The following GFRA2 variants were observed in gnomAD, a reference collection of about 807,000 sequenced individuals.
GFRA2 encodes GDNF family receptor alpha 2.
A neutral mutation model predicts 48.3 loss-of-function variants in GFRA2; 17 were observed. The ratio of observed to expected loss-of-function variants is 0.35; its 90% CI spans 0.24 to 0.53. The LOEUF (loss-of-function observed/expected upper bound fraction) is 0.53, where lower values mean the gene tolerates loss of function less well. Ranked by LOEUF, GFRA2 falls within the 20% of genes least tolerant of loss-of-function variation. GFRA2 has a pLI of 0.93. For missense variants in GFRA2, 660 were observed against 637.3 expected (o/e 1.04, Z -0.38); for synonymous variants, 305 against 257.2 (o/e 1.19, Z -1.78).
intron 4 of GFRA2, among the ~76,000 whole-genome samples, chr8:21,711,515 C>A (rs902714858): frequency 6.6e-5 from 10 of 152,076 alleles, no homozygotes; most frequent in Admixed American, 6.6e-4. Flanking sequence ...TGCAGGAAAG[C>A]AGCAGCAGGA....
intron 7 of GFRA2, among the ~76,000 whole-genome samples, chr8:21,700,209 G>C (rs922940423): frequency 6.6e-6 from 1 of 152,104 alleles, no homozygotes; most frequent in Non-Finnish European, 1.5e-5. Context: ...GAGCCCAGTG[G>C]GATGGAGAGA....
chr8:21,790,594 T>C (rs1286182281), upstream of GFRA2, among the ~76,000 whole-genome samples: 1 of 152,172 alleles, frequency 6.6e-6, no homozygotes, highest in Non-Finnish European at 1.5e-5. Flanking sequence ...AACGCCTCTT[T>C]CCTGTGGTCC....
chr8:21,693,042 GT>G lies in GFRA2; in HGVS notation c.*235del, dbSNP rs202169431. On this transcript the variant is annotated 3_prime_UTR_variant, in exon 9 of 9. Coordinates refer to ENST00000524240, the MANE Select transcript of GFRA2 (RefSeq NM_001495.5). Reference sequence around the variant, plus strand: ...GCCTCGTGCCCTCCCCGGCACCAGAGTTTCCCCTGCCAGGGGACCCCTGGGC... The same window carrying G: ...GCCTCGTGCCCTCCCCGGCACCAGAGTTCCCCTGCCAGGGGACCCCTGGGC... 6,026 of 367,902 alleles carry G rather than the reference GT, an allele frequency of 0.016. 74 individuals carry two copies. The highest frequency in any genetic ancestry group is 0.028 in the Middle Eastern group (37 of 1,320). 22.8% of individuals were successfully genotyped at this position (367,902 alleles called of 1,614,324 possible). A position where few individuals can be genotyped will look rare whatever the true frequency, so the allele number is the denominator to read the frequency against.
chr8:21,782,803 A>C lies in GFRA2; in HGVS notation c.137T>G (p.Leu46Arg). Residue 46 changes from leucine to arginine, a missense_variant, in exon 2 of 9, where the codon CTG becomes CGG. Physicochemically the swap from Leu to Arg is moderately radical, Grantham distance 102 (BLOSUM62 -2). Coordinates refer to ENST00000524240, the MANE Select transcript of GFRA2 (RefSeq NM_001495.5). ...GCTGCAGTTGGATTCGGCGGCACAC[A>C]GCTCATTGGCCCGGACACAGTCCAC... Reference protein sequence around the residue: ...PPVDCVRANELCAAESNCSSR... With the variant: ...PPVDCVRANERCAAESNCSSR... 6.3e-7 allele frequency: 1 copy of C among 1,581,296 alleles called. No individual in the cohort carries two copies. The highest frequency in any genetic ancestry group is 1.1e-5 in the South Asian group (1 of 87,254).
At chr8:21,788,066 C>A in intron 1 of GFRA2, 54 bp downstream of exon 1, 2 of 1,035,760 alleles carry the variant, frequency 1.9e-6, no homozygotes, top group South Asian at 1.5e-5. Flanking sequence ...CGCTCGCCCC[C>A]CGCCTCCCCG....
At chr8:21,800,743 G>A (rs1049486521) in intron 2 of GFRA2, among the ~76,000 whole-genome samples, 49 of 152,260 alleles carry the variant, frequency 3.2e-4, no homozygotes, top group Middle Eastern at 3.4e-3. Context: ...CAGGCAACAC[G>A]GTGAGACCCC....
At chr8:21,745,871 C>T (rs987781994) in intron 4 of GFRA2, among the ~76,000 whole-genome samples, 3 of 152,194 alleles carry the variant, frequency 2.0e-5, no homozygotes, top group African/African-American at 7.2e-5. Flanking sequence ...CAAATACCTG[C>T]TCCCACACCA....
At chr8:21,776,573 C>G (rs945496970) in intron 2 of GFRA2, among the ~76,000 whole-genome samples, 3 of 151,216 alleles carry the variant, frequency 2.0e-5, no homozygotes, top group Admixed American at 2.0e-4. Context: ...TGGGTTCAAG[C>G]GATCCTCCCA....
In GFRA2 at chr8:21,782,884, G is replaced by C. The variant is rs1484324179; in HGVS notation, c.56C>G (p.Ser19Cys). 4 of 1,559,058 alleles carry C rather than the reference G, an allele frequency of 2.6e-6. No homozygotes were observed. In the East Asian group the frequency reaches 7.0e-5, roughly 27 times the overall value. The stretch of plus-strand genomic sequence containing the variant: ...CTGCAGGGAGGAAGGGCTGGCCAAA[G>C]AGCGGAGGGTCTCGTCTGGGTGGTG... ...LFFFLDETLR[S>C]LASPSSLQGP... Residue 19 changes from serine to cysteine, a missense_variant, in exon 2 of 9, where the codon TCT becomes TGT. By Grantham distance (112) the Ser-to-Cys change is moderately radical. Coordinates refer to ENST00000524240, the MANE Select transcript of GFRA2 (RefSeq NM_001495.5).
At chr8:21,757,745 G>A (rs888723348) in intron 3 of GFRA2, among the ~76,000 whole-genome samples, 6 of 152,008 alleles carry the variant, frequency 3.9e-5, no homozygotes, top group Non-Finnish European at 5.9e-5. Flanking sequence ...CTGGTGATCC[G>A]CCCGCTTTGG....
Position 21,750,454 on chromosome 8 carries a change from A to G in GFRA2, c.794+134T>C, listed in dbSNP as rs930723924. The stretch of plus-strand genomic sequence containing the variant: ...TTTTGCACATGTCCAAGTCAGTTTT[A>G]CCCTTTTTGACACCCTTTCTGCTGG... On this transcript the variant is annotated intron_variant, in intron 4 of 8. Coordinates refer to ENST00000524240, the MANE Select transcript of GFRA2 (RefSeq NM_001495.5). This position sits in a 1 kb window ranked among gnomAD's most constrained non-coding sequence, Gnocchi z 5.7. 5.0e-6 allele frequency: 3 copies of G among 602,470 alleles called. No individual in the cohort carries two copies. Among genetic ancestry groups the G allele is most frequent in the African/African-American group, 1.9e-5 (1 of 53,874 alleles). The allele number at this position is 602,470 out of a possible 1,614,324, so 37.3% of individuals were successfully genotyped here.
At chr8:21,810,061 C>A (rs549201638) in intron 1 of GFRA2, among the ~76,000 whole-genome samples, 6 of 152,274 alleles carry the variant, frequency 3.9e-5, no homozygotes, top group South Asian at 4.1e-4. Context: ...AATAAACAAG[C>A]CTTGGTCTCT....
intron 4 of GFRA2, among the ~76,000 whole-genome samples, chr8:21,730,276 T>C (rs1413360686): frequency 6.6e-6 from 1 of 151,948 alleles, no homozygotes; most frequent in Non-Finnish European, 1.5e-5. Context: ...TGGTGGTGCA[T>C]GCCTGTAGTG....
In GFRA2 at chr8:21,771,869, T is replaced by G. The variant is rs368742450; in HGVS notation, c.439+3103A>C. On this transcript the variant is annotated intron_variant, in intron 3 of 8. Coordinates refer to ENST00000524240, the MANE Select transcript of GFRA2 (RefSeq NM_001495.5). Reference sequence around the variant, plus strand: ...TGAAGGGGGCAGCACGCAGGCAATATGAGTTGGGTGGGGAGGGGCTTCCCA... The same window carrying G: ...TGAAGGGGGCAGCACGCAGGCAATAGGAGTTGGGTGGGGAGGGGCTTCCCA... 1.6e-3 allele frequency among the ~76,000 whole-genome samples: 245 copies of G among 151,990 alleles called. 5 individuals are homozygous for G. In the East Asian group the frequency reaches 0.035, roughly 22 times the overall value.
intron 1 of GFRA2, among the ~76,000 whole-genome samples, chr8:21,806,981 G>T (rs1029177937): frequency 3.7e-4 from 56 of 152,246 alleles, no homozygotes; most frequent in African/African-American, 1.3e-3. Flanking sequence ...CCTAAAAACA[G>T]AAACCATATC....
chr8:21,692,893 G>A lies in GFRA2; in HGVS notation c.*385C>T, dbSNP rs1801942033. On this transcript the variant is annotated 3_prime_UTR_variant, in exon 9 of 9. Transcript: ENST00000524240. ...GGCAGCCTGGGGAAGCAGCTGTGTT[G>A]TCCTGCCCCCAGCCAGCCTCAGGCA... is the stretch of plus-strand genomic sequence containing the variant. 6.4e-6 allele frequency: 1 copy of A among 156,208 alleles called. No individual in the cohort carries two copies. The highest frequency in any genetic ancestry group is 2.4e-5 in the African/African-American group (1 of 41,562). The allele number at this position is 156,208 out of a possible 1,614,324, so 9.7% of individuals were successfully genotyped here.
At chr8:21,705,890 C>G (rs1209056138) in intron 5 of GFRA2, 42 bp downstream of exon 5, 5 of 1,342,902 alleles carry the variant, frequency 3.7e-6, no homozygotes, top group Non-Finnish European at 5.2e-6. Context: ...GAGATGGGGG[C>G]AGCAAGGACC....
At chr8:21,785,885 TC>T (rs1163652915) in intron 1 of GFRA2, among the ~76,000 whole-genome samples, 2 of 146,884 alleles carry the variant, frequency 1.4e-5, no homozygotes, top group African/African-American at 5.0e-5. Context: ...CAGAAAAACC[TC>T]CCCCGACCCT....
intron 4 of GFRA2, among the ~76,000 whole-genome samples, chr8:21,712,030 G>A (rs1362717545): frequency 6.6e-6 from 1 of 152,230 alleles, no homozygotes; most frequent in Non-Finnish European, 1.5e-5. Context: ...TCCCAAGGAA[G>A]AAGAATTTTT....
Sources: allele counts gnomAD v4.1 joint callset (sites outside exome capture counted in the v4.1 genomes callset), GRCh38; gene constraint gnomAD v4.1.1; non-coding constraint Gnocchi (gnomAD v3.1); transcripts MANE v1.5; gene names NCBI Gene and HGNC (gene_info 2026-07-23, HGNC 2026-07-21).